The following CENPP variants were observed in gnomAD, a reference collection of about 807,000 sequenced individuals.
CENPP encodes centromere protein P.
Under a neutral mutation model 35.6 loss-of-function variants are expected in CENPP, and 24 were observed. The observed-to-expected ratio is 0.67, with a 90% CI of 0.49 to 0.95. The LOEUF (loss-of-function observed/expected upper bound fraction) is 0.95. CENPP is among the 40% of genes least tolerant of loss of function. The pLI is 0.00. For missense variants in CENPP, 332 were observed against 345.3 expected (o/e 0.96, Z 0.31); for synonymous variants, 120 against 125.5 (o/e 0.96, Z 0.29).
At chr9:92,457,902 A>G (rs770333064) in intron 5 of CENPP, among the ~76,000 whole-genome samples, 60 of 152,192 alleles carry the variant, frequency 3.9e-4, no homozygotes, top group Non-Finnish European at 7.1e-4. Context: ...CTTCAGTGCC[A>G]TATTTACAAT....
intron 5 of CENPP, among the ~76,000 whole-genome samples, chr9:92,431,263 C>G (rs188294041): frequency 1.3e-5 from 2 of 152,154 alleles, no homozygotes; most frequent in African/African-American, 4.8e-5. Flanking sequence ...TTTCCATACA[C>G]TAGATTTCTT....
At chr9:92,440,061 G>A (rs1350133315) in intron 5 of CENPP, among the ~76,000 whole-genome samples, 1 of 152,108 alleles carries the variant, frequency 6.6e-6, no homozygotes, top group East Asian at 1.9e-4. Context: ...GCTATTTTGA[G>A]TAGCCTGACG....
intron 2 of CENPP, among the ~76,000 whole-genome samples, chr9:92,332,972 A>G (rs1840803076): frequency 6.6e-6 from 1 of 152,128 alleles, no homozygotes; most frequent in Non-Finnish European, 1.5e-5. Context: ...ATAAGCGAAT[A>G]ATGATTATAA....
At chr9:92,511,911 A>T (rs1489498805) in intron 5 of CENPP, 2 of 811,428 alleles carry the variant, frequency 2.5e-6, no homozygotes, top group South Asian at 1.9e-5. Context: ...GAAGACTACC[A>T]ATTAGAAGCA....
chr9:92,574,144 T>A (rs1260313924), intron 5 of CENPP, among the ~76,000 whole-genome samples: 1 of 152,040 alleles, frequency 6.6e-6, no homozygotes, highest in Non-Finnish European at 1.5e-5. Context: ...AATGCAGAAA[T>A]CACCCGTCTT....
chr9:92,330,728 G>A (rs1454384257), intron 1 of CENPP, among the ~76,000 whole-genome samples: 1 of 75,402 alleles, frequency 1.3e-5, no homozygotes, highest in East Asian at 3.4e-4. Context: ...TTACTTTGTT[G>A]CCCAGGCTGG....
rs554621285 is a variant in CENPP, at chr9:92,334,509, A to G, written c.289+2158A>G. On this transcript the variant is annotated intron_variant, in intron 2 of 7. Coordinates refer to ENST00000375587, the MANE Select transcript of CENPP (RefSeq NM_001012267.3). The stretch of plus-strand genomic sequence containing the variant: ...AAAAATATGTAGATGGGCTTGATGT[A>G]TGGATGGTTTTGAAGGACTAATCCT... Among the ~76,000 whole-genome samples the G allele has an allele frequency of 4.6e-5, 7 of 152,238 alleles. No homozygotes were observed. In the East Asian group the frequency reaches 1.4e-3, roughly 29 times the overall value.
intron 5 of CENPP, among the ~76,000 whole-genome samples, chr9:92,420,042 G>A (rs1843738295): frequency 6.6e-6 from 1 of 152,188 alleles, no homozygotes; most frequent in African/African-American, 2.4e-5. Context: ...GGTAGAGTCA[G>A]AGACCCTTGA....
At chr9:92,569,001 A>G (rs1850067272) in intron 5 of CENPP, among the ~76,000 whole-genome samples, 2 of 152,036 alleles carry the variant, frequency 1.3e-5, no homozygotes, top group Non-Finnish European at 2.9e-5. Context: ...AGATGGGTAG[A>G]TTGTAAAAAT....
chr9:92,357,461 CATT>C (rs36222751), intron 4 of CENPP, among the ~76,000 whole-genome samples: 8,392 of 143,296 alleles, frequency 0.059, 333 homozygotes, highest in Admixed American at 0.12. Flanking sequence ...TCATCTCCCT[CATT>C]ATTATTATTA....
rs147815643 is a variant in CENPP, at chr9:92,618,000, G to T, written c.*4851G>T. The T allele has an allele frequency of 5.7e-4, 196 of 343,832 alleles. No homozygotes were observed. Among genetic ancestry groups the T allele is most frequent in the African/African-American group, 3.9e-3 (183 of 46,678 alleles). 21.3% of individuals were successfully genotyped at this position (343,832 alleles called of 1,614,324 possible). A position where few individuals can be genotyped will look rare whatever the true frequency, so the allele number is the denominator to read the frequency against. ...AAATTAGTCTAGGGATCTAAATTTA[G>T]TCTCAGGTCTACCAGGTATCTCAAG... On this transcript the variant is annotated 3_prime_UTR_variant, in exon 8 of 8. Transcript: ENST00000375587.
At chr9:92,581,205 T>A (rs946542598) in intron 5 of CENPP, among the ~76,000 whole-genome samples, 1 of 152,162 alleles carries the variant, frequency 6.6e-6, no homozygotes, top group African/African-American at 2.4e-5. Flanking sequence ...AGATACTTAC[T>A]ACTTTAGCAG....
chr9:92,343,651 T>G (rs1192426157), intron 3 of CENPP, among the ~76,000 whole-genome samples: 1 of 152,100 alleles, frequency 6.6e-6, no homozygotes, highest in Non-Finnish European at 1.5e-5. Context: ...GATTTGTAAG[T>G]TTTACAAAGT....
chr9:92,443,044 A>G (rs1440728866), intron 5 of CENPP, among the ~76,000 whole-genome samples: 1 of 152,184 alleles, frequency 6.6e-6, no homozygotes, highest in Non-Finnish European at 1.5e-5. Context: ...ATTCAGTTTT[A>G]TACTGGAGCT....
At chr9:92,553,653 A>G (rs567255382) in intron 5 of CENPP, among the ~76,000 whole-genome samples, 2 of 151,906 alleles carry the variant, frequency 1.3e-5, no homozygotes, top group East Asian at 3.9e-4. Flanking sequence ...TAAATATTTT[A>G]TTTATTTATT....
rs372661059 is a variant in CENPP, at chr9:92,525,078, G to A, written c.565-86236G>A. On this transcript the variant is annotated intron_variant, in intron 5 of 7. Coordinates refer to ENST00000375587, the MANE Select transcript of CENPP (RefSeq NM_001012267.3). ...TGTAATCCCAGCCCTATAGGAGGCC[G>A]AAACCAAGGTGGGAGGATTGCTTGA... Among the ~76,000 whole-genome samples the A allele has an allele frequency of 9.9e-5, 15 of 152,160 alleles. No homozygotes were observed. The South Asian group carries it at 1.0e-3, about 11-fold the overall frequency.
chr9:92,379,393 A>G (rs1276992538), intron 4 of CENPP, among the ~76,000 whole-genome samples: 2 of 152,232 alleles, frequency 1.3e-5, no homozygotes, highest in African/African-American at 2.4e-5. Flanking sequence ...AGACACATCT[A>G]TCACTCAGGA....
chr9:92,350,044 G>T (rs560587576), intron 4 of CENPP, among the ~76,000 whole-genome samples: 2 of 152,248 alleles, frequency 1.3e-5, no homozygotes, highest in African/African-American at 4.8e-5. Flanking sequence ...GAGAATGTCT[G>T]TTAATATTTT....
chr9:92,371,068 T>G (rs1430243319), intron 4 of CENPP, among the ~76,000 whole-genome samples: 1 of 152,194 alleles, frequency 6.6e-6, no homozygotes, highest in African/African-American at 2.4e-5. Flanking sequence ...TTGTTGGTCC[T>G]TTGCATTATT....
Sources: gnomAD v4.1 joint callset for allele counts (sites outside exome capture counted in the v4.1 genomes callset) on GRCh38, gnomAD v4.1.1 for gene constraint, MANE v1.5 for transcripts, NCBI Gene and HGNC (gene_info 2026-07-23, HGNC 2026-07-21) for gene names.